TWIST2: variants seen among roughly 807,000 people sequenced by gnomAD.
TWIST2 encodes the protein twist-related protein 2.
In TWIST2, 1 loss-of-function variant was observed where a neutral mutation model predicts 11.6. The ratio of observed to expected loss-of-function variants is 0.09; its 90% CI spans 0.03 to 0.41. TWIST2 has a LOEUF of 0.41. TWIST2 is among the 10% of genes least tolerant of loss of function. TWIST2 has a pLI of 0.98. For synonymous variants in TWIST2, 87 were observed against 96.6 expected, an observed-to-expected ratio of 0.90 and a Z score of 0.58; for missense variants, 168 against 226.4, an observed-to-expected ratio of 0.74 and a Z score of 1.66.
intron 1 of TWIST2, among the ~76,000 whole-genome samples, chr2:238,878,712 G>A (rs1167372302): frequency 2.0e-5 from 3 of 152,224 alleles, no homozygotes; most frequent in Admixed American, 2.0e-4. Context: ...CAATAGCAAT[G>A]CACAGATTTA....
chr2:238,866,658 GA>G lies in TWIST2; in HGVS notation c.*35+17935del, dbSNP rs377679301. ...GGTGACAGAGCGAGACTCCACCATGGAAAAAAAAAAGAAAAGCACGGCGCCT... is the reference window on the plus strand; with the variant it reads ...GGTGACAGAGCGAGACTCCACCATGGAAAAAAAAAGAAAAGCACGGCGCCT... On this transcript the variant is annotated intron_variant, in intron 1 of 1. Coordinates refer to ENST00000612363, the MANE Select transcript of TWIST2 (RefSeq NM_001271893.4). This position sits in a 1 kb window ranked among gnomAD's most constrained non-coding sequence, Gnocchi z 4.9. Among the ~76,000 whole-genome samples, 6 of 148,358 alleles carry G rather than the reference GA, an allele frequency of 4.0e-5. No homozygotes were observed. The highest frequency in any genetic ancestry group is 4.3e-4 in the South Asian group (2 of 4,636).
chr2:238,860,708 C>T (rs541438648), intron 1 of TWIST2, among the ~76,000 whole-genome samples: 46 of 152,266 alleles, frequency 3.0e-4, no homozygotes, highest in Non-Finnish European at 4.6e-4. Flanking sequence ...GAGGCCGAGG[C>T]GGGTGGATCA....
chr2:238,858,684 G>GT (rs1692373242), intron 1 of TWIST2, among the ~76,000 whole-genome samples: 1 of 152,104 alleles, frequency 6.6e-6, no homozygotes, highest in Non-Finnish European at 1.5e-5. Flanking sequence ...AATGGACTAA[G>GT]TTTCTTATAG....
intron 1 of TWIST2, among the ~76,000 whole-genome samples, chr2:238,861,666 CCTGA>C (rs1396511699): frequency 1.3e-5 from 2 of 152,236 alleles, no homozygotes; most frequent in Non-Finnish European, 2.9e-5. Flanking sequence ...CCTGCCACCA[CCTGA>C]CTAACAGCAA....
At chr2:238,902,440 T>C (rs899712562) in intron 1 of TWIST2, among the ~76,000 whole-genome samples, 32 of 150,150 alleles carry the variant, frequency 2.1e-4, no homozygotes, top group Admixed American at 4.0e-4. Flanking sequence ...GTGTGTGATA[T>C]GGGATGTATG....
intron 1 of TWIST2, among the ~76,000 whole-genome samples, chr2:238,885,616 C>T (rs975765851): frequency 3.3e-5 from 5 of 152,144 alleles, no homozygotes; most frequent in African/African-American, 1.2e-4. Context: ...GGTACAAATT[C>T]ACCATCAGGA....
At position 238,880,783 on chromosome 2, in the gene TWIST2, A is replaced by G. The variant is rs541911674; in HGVS notation, c.*36-29059A>G. 1.1e-4 allele frequency among the ~76,000 whole-genome samples: 14 copies of G among 122,888 alleles called. 4 individuals are homozygous for G. Among genetic ancestry groups the G allele is most frequent in the African/African-American group, 1.5e-4 (5 of 32,812 alleles). The allele number at this position is 122,888 out of a possible 152,430, so 80.6% of individuals were successfully genotyped here. A position where few individuals can be genotyped will look rare whatever the true frequency, so the allele number is the denominator to read the frequency against. On this transcript the variant is annotated intron_variant, in intron 1 of 1. Coordinates refer to ENST00000612363, the MANE Select transcript of TWIST2 (RefSeq NM_001271893.4). ...TATTAGCATTAGTGTCAGTGTTAGT[A>G]TTAGTGTTAGTGTTAGTATTTATTA...
intron 1 of TWIST2, among the ~76,000 whole-genome samples, chr2:238,872,840 T>A (rs1692731601): frequency 6.6e-6 from 1 of 152,146 alleles, no homozygotes; most frequent in South Asian, 2.1e-4. Flanking sequence ...CCGCAGATGG[T>A]TTTGCGTAGC....
intron 1 of TWIST2, among the ~76,000 whole-genome samples, chr2:238,898,683 T>C (rs1372561250): frequency 6.6e-6 from 1 of 152,196 alleles, no homozygotes; most frequent in Admixed American, 6.5e-5. Flanking sequence ...CTGACCACTG[T>C]GGGGAGAAGG....
chr2:238,880,753 G>A (rs1490917759), intron 1 of TWIST2, among the ~76,000 whole-genome samples: 1 of 115,240 alleles, frequency 8.7e-6, no homozygotes, highest in African/African-American at 3.5e-5. Context: ...TAGTGTTGGT[G>A]TTAATATTAG....
At chr2:238,909,668 C>G (rs1035785361) in intron 1 of TWIST2, among the ~76,000 whole-genome samples, 174 bp from the exon 2 acceptor site, 1 of 152,104 alleles carries the variant, frequency 6.6e-6, no homozygotes, top group Non-Finnish European at 1.5e-5. Context: ...GGGCTGGCCC[C>G]GTAGCAGTCA....
chr2:238,905,425 C>T, intron 1 of TWIST2, among the ~76,000 whole-genome samples: 1 of 152,144 alleles, frequency 6.6e-6, no homozygotes, highest in Non-Finnish European at 1.5e-5. Flanking sequence ...AGAACACGGC[C>T]CATGTCAGCA....
chr2:238,854,134 A>G (rs532551606), intron 1 of TWIST2, among the ~76,000 whole-genome samples: 4 of 152,224 alleles, frequency 2.6e-5, no homozygotes, highest in Non-Finnish European at 2.9e-5. Flanking sequence ...TTTAGTTCAG[A>G]TTTTCCCTTC....
intron 1 of TWIST2, among the ~76,000 whole-genome samples, chr2:238,900,793 A>G (rs1175422718): frequency 6.6e-6 from 1 of 151,722 alleles, no homozygotes; most frequent in African/African-American, 2.4e-5. Flanking sequence ...AGGTTGCCCT[A>G]CTCTTAGAGC....
chr2:238,876,795 G>T (rs1167258369), intron 1 of TWIST2, among the ~76,000 whole-genome samples: 2 of 151,998 alleles, frequency 1.3e-5, no homozygotes, highest in East Asian at 3.9e-4. Context: ...CAGATTCTTG[G>T]ATTCATGTAT....
chr2:238,878,757 C>T (rs917753979), intron 1 of TWIST2, among the ~76,000 whole-genome samples: 2 of 141,642 alleles, frequency 1.4e-5, no homozygotes, highest in African/African-American at 2.5e-5. Flanking sequence ...CTGTCTGTGA[C>T]CATGGGGACA....
chr2:238,866,206 C>G lies in TWIST2; in HGVS notation c.*35+17473C>G, dbSNP rs750141680. ...TTCCCCATGGCACGGGCCCTGCCTG[C>G]TCTTCTGTGAGCTGCCTCTGAGCCC... On this transcript the variant is annotated intron_variant, in intron 1 of 1. Coordinates refer to ENST00000612363, the MANE Select transcript of TWIST2 (RefSeq NM_001271893.4). The surrounding 1 kb of genome is among the most constrained non-coding windows in gnomAD (Gnocchi z 4.9). Among the ~76,000 whole-genome samples, 1 of 152,242 alleles carries G rather than the reference C, an allele frequency of 6.6e-6. No homozygotes were observed. The highest frequency in any genetic ancestry group is 1.5e-5 in the Non-Finnish European group (1 of 68,046).
At chr2:238,856,981 C>T (rs539708237) in intron 1 of TWIST2, among the ~76,000 whole-genome samples, 1 of 152,260 alleles carries the variant, frequency 6.6e-6, no homozygotes, top group East Asian at 1.9e-4. Flanking sequence ...CCAGAGGGGG[C>T]CGTGTCTCTG....
rs1188192486 is a variant in TWIST2, at chr2:238,866,311, G to C, written c.*35+17578G>C. On this transcript the variant is annotated intron_variant, in intron 1 of 1. Coordinates refer to ENST00000612363, the MANE Select transcript of TWIST2 (RefSeq NM_001271893.4). This position sits in a 1 kb window ranked among gnomAD's most constrained non-coding sequence, Gnocchi z 4.9. Reference sequence around the variant, plus strand: ...CCTGTACCCAGCACTTGGAGCAGTTGCCAGTAAGAACAGGGGTGAGGAGAT... The same window carrying C: ...CCTGTACCCAGCACTTGGAGCAGTTCCCAGTAAGAACAGGGGTGAGGAGAT... Among the ~76,000 whole-genome samples, 1 of 152,228 alleles carries C rather than the reference G, an allele frequency of 6.6e-6. No homozygotes were observed. Among genetic ancestry groups the C allele is most frequent in the Non-Finnish European group, 1.5e-5 (1 of 68,040 alleles).
Sources: gnomAD v4.1 joint callset for allele counts (sites outside exome capture counted in the v4.1 genomes callset) on GRCh38, gnomAD v4.1.1 for gene constraint, Gnocchi (gnomAD v3.1) non-coding constraint, MANE v1.5 for transcripts, NCBI Gene and HGNC (gene_info 2026-07-23, HGNC 2026-07-21) for gene names.